The following CFAP20DC variants were observed in gnomAD, a reference collection of about 807,000 sequenced individuals.
The protein encoded by CFAP20DC is protein CFAP20DC.
A neutral mutation model predicts 101.7 loss-of-function variants in CFAP20DC; 84 were observed. The observed-to-expected ratio is 0.83, with a 90% confidence interval of 0.69 to 0.99. The LOEUF (loss-of-function observed/expected upper bound fraction) is 0.99. CFAP20DC is among the 50% of genes least tolerant of loss of function. CFAP20DC has a pLI of 0.00. For missense variants in CFAP20DC, 1,007 were observed against 970.3 expected, an observed-to-expected ratio of 1.04 and a Z score of -0.50; for synonymous variants, 359 against 351.2, an observed-to-expected ratio of 1.02 and a Z score of -0.25.
At chr3:58,720,160 T>C (rs1267085945) in intron 3 of CFAP20DC, among the ~76,000 whole-genome samples, 3 of 152,212 alleles carry the variant, frequency 2.0e-5, no homozygotes, top group Non-Finnish European at 2.9e-5. Context: ...TCCACGTGTT[T>C]ATTGGATTCC....
chr3:58,977,374 T>C (rs2108450153), intron 4 of CFAP20DC, among the ~76,000 whole-genome samples: 1 of 152,290 alleles, frequency 6.6e-6, no homozygotes, highest in East Asian at 1.9e-4. Context: ...CACATGTGGA[T>C]GTGCGAAGGC....
rs147052931 is a variant in CFAP20DC, at chr3:58,724,433, T to A, written c.198-6805A>T. Among the ~76,000 whole-genome samples the A allele has an allele frequency of 6.6e-6, 1 of 152,248 alleles. No individual in the cohort carries two copies. Among genetic ancestry groups the A allele is most frequent in the East Asian group, 1.9e-4 (1 of 5,146 alleles). On this transcript the variant is annotated intron_variant, in intron 3 of 3. Coordinates refer to the CFAP20DC transcript ENST00000486145. This position sits in a 1 kb window ranked among gnomAD's most constrained non-coding sequence, Gnocchi z 5.6. The stretch of plus-strand genomic sequence containing the variant: ...AGAGCGAGACCCTCTCTCTTATCTG[T>A]AAACACTGTGTTCAAGGAGAAAGGC...
At chr3:58,916,525 C>T (rs1056314267) in intron 5 of CFAP20DC, among the ~76,000 whole-genome samples, 2 of 152,110 alleles carry the variant, frequency 1.3e-5, no homozygotes, top group Non-Finnish European at 2.9e-5. Context: ...TGTATGAACA[C>T]ATTAAGATGT....
At chr3:58,997,441 C>T (rs903276378) in intron 4 of CFAP20DC, among the ~76,000 whole-genome samples, 1 of 152,140 alleles carries the variant, frequency 6.6e-6, no homozygotes, top group African/African-American at 2.4e-5. Flanking sequence ...AAAACAATGT[C>T]GCCATTTAAG....
intron 16 of CFAP20DC, among the ~76,000 whole-genome samples, chr3:58,747,079 C>A (rs920212631): frequency 5.9e-5 from 9 of 152,124 alleles, no homozygotes; most frequent in Admixed American, 3.3e-4. Flanking sequence ...TACAGAAACT[C>A]TAGAAGGACA....
chr3:58,773,047 T>C (rs910794351), intron 15 of CFAP20DC, among the ~76,000 whole-genome samples: 1 of 151,664 alleles, frequency 6.6e-6, no homozygotes, highest in African/African-American at 2.4e-5. Context: ...AGTTTCTCTC[T>C]TTAGGAGCTT....
At chr3:59,005,623 T>C (rs552081927) in intron 4 of CFAP20DC, among the ~76,000 whole-genome samples, 9 of 152,358 alleles carry the variant, frequency 5.9e-5, no homozygotes, top group South Asian at 2.1e-4. Context: ...ATGTGAATAC[T>C]GATAACATCT....
rs1485302441 is a variant in CFAP20DC, at chr3:58,806,394, C to A, written c.2237+1G>T. 2.5e-5 allele frequency: 40 copies of A among 1,578,844 alleles called. No homozygotes were observed. The highest frequency in any genetic ancestry group is 3.4e-5 in the Non-Finnish European group (39 of 1,148,596). ...AAATGTAGATTATTAATGATTCTTA[C>A]CGGGGATTAGAAGGAGAAGGTGGGT... On this transcript the variant is annotated splice_donor_variant, in intron 15 of 16. Coordinates refer to ENST00000482387, the MANE Select transcript of CFAP20DC (RefSeq NM_001394063.1). LOFTEE classifies it high-confidence loss of function.
chr3:58,970,430 TACAA>T (rs1433068526), intron 4 of CFAP20DC: 3 of 152,124 alleles, frequency 2.0e-5, no homozygotes, highest in Non-Finnish European at 4.4e-5. Flanking sequence ...GTGATACACC[TACAA>T]ACAAAGGAAT....
intron 15 of CFAP20DC, among the ~76,000 whole-genome samples, chr3:58,792,736 A>T (rs778792999): frequency 4.0e-5 from 6 of 151,752 alleles, no homozygotes; most frequent in Non-Finnish European, 7.4e-5. Context: ...TAAATACTCC[A>T]TGAGTTCAAC....
At chr3:59,028,065 C>T (rs2093924024) in intron 4 of CFAP20DC, among the ~76,000 whole-genome samples, 1 of 152,236 alleles carries the variant, frequency 6.6e-6, no homozygotes, top group South Asian at 2.1e-4. Context: ...TGTTACTTCA[C>T]TGCTCATCAT....
chr3:58,866,936 T>C (rs2108498957), intron 10 of CFAP20DC, among the ~76,000 whole-genome samples: 1 of 152,246 alleles, frequency 6.6e-6, no homozygotes, highest in African/African-American at 2.4e-5. Flanking sequence ...TTGCAATATG[T>C]GATAAAAAGA....
chr3:58,887,173 T>C (rs2081712611), intron 6 of CFAP20DC, among the ~76,000 whole-genome samples: 1 of 152,232 alleles, frequency 6.6e-6, no homozygotes, highest in Non-Finnish European at 1.5e-5. Flanking sequence ...TTTATAAATA[T>C]TAGTTTTCAG....
At chr3:58,966,797 T>C (rs896918548) in intron 4 of CFAP20DC, among the ~76,000 whole-genome samples, 6 of 152,094 alleles carry the variant, frequency 3.9e-5, no homozygotes, top group African/African-American at 1.4e-4. Flanking sequence ...GATGCTGCGA[T>C]TACAGGCGTG....
In CFAP20DC at chr3:58,897,227, T is replaced by C. The variant is rs1194246087; in HGVS notation, c.551-12518A>G. Among the ~76,000 whole-genome samples the C allele has an allele frequency of 1.3e-5, 2 of 152,228 alleles. No homozygotes were observed. The highest frequency in any genetic ancestry group is 2.4e-5 in the African/African-American group (1 of 41,458). ...CCCCTGCTTTTTTCTGTTTTCCATT[T>C]GCTTGGTAAATTTTCCTCCATTCCT... On this transcript the variant is annotated intron_variant, in intron 6 of 16. Coordinates refer to ENST00000482387, the MANE Select transcript of CFAP20DC (RefSeq NM_001394063.1). The surrounding 1 kb of genome is among the most constrained non-coding windows in gnomAD (Gnocchi z 4.4).
chr3:58,943,874 T>A (rs2088977802), intron 4 of CFAP20DC, among the ~76,000 whole-genome samples: 1 of 152,022 alleles, frequency 6.6e-6, no homozygotes, highest in South Asian at 2.1e-4. Context: ...TAGAAAAGAA[T>A]ATAAATGACC....
chr3:58,860,700 T>A (rs903002166), intron 12 of CFAP20DC, among the ~76,000 whole-genome samples: 6 of 152,142 alleles, frequency 3.9e-5, no homozygotes, highest in African/African-American at 1.4e-4. Flanking sequence ...CAAAACCAGG[T>A]GTATACACTA....
chr3:58,745,625 C>T (rs575555563), intron 16 of CFAP20DC, among the ~76,000 whole-genome samples: 1 of 152,254 alleles, frequency 6.6e-6, no homozygotes, highest in South Asian at 2.1e-4. Context: ...ATGCATAACA[C>T]AGCACACATA....
At chr3:58,750,362 C>A (rs937122026) in intron 16 of CFAP20DC, among the ~76,000 whole-genome samples, 3 of 152,170 alleles carry the variant, frequency 2.0e-5, no homozygotes, top group Non-Finnish European at 2.9e-5. Flanking sequence ...CACATCACTG[C>A]ACTGCCCTAA....
Sources: gnomAD v4.1 joint callset for allele counts (sites outside exome capture counted in the v4.1 genomes callset) on GRCh38, gnomAD v4.1.1 for gene constraint, Gnocchi (gnomAD v3.1) non-coding constraint, MANE v1.5 for transcripts, NCBI Gene and HGNC (gene_info 2026-07-23, HGNC 2026-07-21) for gene names.